The following TRAPPC9 variants were observed in gnomAD, a reference collection of about 807,000 sequenced individuals.
The protein encoded by TRAPPC9 is IKK2 binding protein.
TRAPPC9 carries 83 observed loss-of-function variants against 124.0 expected under a neutral mutation model. That is an observed-to-expected ratio of 0.67 (90% CI 0.56 to 0.80). The LOEUF (loss-of-function observed/expected upper bound fraction) is 0.80, where lower values mean the gene tolerates loss of function less well. Ranked by LOEUF, TRAPPC9 falls within the 30% of genes least tolerant of loss-of-function variation. TRAPPC9 has a pLI of 0.00. For synonymous variants in TRAPPC9, 638 were observed against 617.5 expected, an observed-to-expected ratio of 1.03 and a Z score of -0.49; for missense variants, 1,302 against 1,508.3, an observed-to-expected ratio of 0.86 and a Z score of 2.27.
rs116695359 is a variant in TRAPPC9, at chr8:140,430,234, G to A, written c.860-3593C>T. 3.9e-3 allele frequency among the ~76,000 whole-genome samples: 589 copies of A among 151,994 alleles called. 5 individuals carry two copies. The highest frequency in any genetic ancestry group is 0.014 in the African/African-American group (560 of 41,450). On this transcript the variant is annotated intron_variant, in intron 4 of 22. Coordinates refer to ENST00000438773, the MANE Select transcript of TRAPPC9 (RefSeq NM_001160372.4). ...TTGTATTTCCTTACTAGTCTAAATA[G>A]CAAAGGATATCCTTATTTCTGTGTT...
chr8:140,143,799 AT>A (rs1401909721), intron 17 of TRAPPC9, among the ~76,000 whole-genome samples: 1 of 152,182 alleles, frequency 6.6e-6, no homozygotes, highest in Non-Finnish European at 1.5e-5. Context: ...TCTTCCACTG[AT>A]TTATAATGCC....
At chr8:140,064,788 C>T (rs549874320) in intron 17 of TRAPPC9, among the ~76,000 whole-genome samples, 2 of 152,206 alleles carry the variant, frequency 1.3e-5, no homozygotes, top group East Asian at 1.9e-4. Context: ...GGTTTGGACA[C>T]CAGATTAAAG....
intron 11 of TRAPPC9, among the ~76,000 whole-genome samples, chr8:140,292,528 C>A (rs2065689330): frequency 6.6e-6 from 1 of 152,164 alleles, no homozygotes; most frequent in Non-Finnish European, 1.5e-5. Context: ...TACAGCTTTT[C>A]CCACACACTC....
chr8:140,276,752 G>A (rs956484585), intron 14 of TRAPPC9, among the ~76,000 whole-genome samples: 3 of 152,038 alleles, frequency 2.0e-5, no homozygotes, highest in East Asian at 3.9e-4. Flanking sequence ...ACACACACAC[G>A]GCTCCCTGGA....
intron 17 of TRAPPC9, among the ~76,000 whole-genome samples, chr8:140,105,227 C>A (rs566242858): frequency 6.6e-6 from 1 of 152,264 alleles, no homozygotes; most frequent in South Asian, 2.1e-4. Flanking sequence ...AGGGAAATGG[C>A]GACTGTGCTC....
chr8:140,131,125 C>T (rs1232415365), intron 17 of TRAPPC9, among the ~76,000 whole-genome samples: 1 of 152,080 alleles, frequency 6.6e-6, no homozygotes, highest in Non-Finnish European at 1.5e-5. Flanking sequence ...ATTAACCAAT[C>T]CTCTATTATT....
intron 21 of TRAPPC9, among the ~76,000 whole-genome samples, chr8:139,872,218 C>G (rs1184899691): frequency 8.0e-5 from 5 of 62,528 alleles, no homozygotes; most frequent in Non-Finnish European, 1.6e-4. Flanking sequence ...TTGGATGGAT[C>G]AGTGGGCCAG....
intron 21 of TRAPPC9, among the ~76,000 whole-genome samples, chr8:139,884,180 A>T (rs983506581): frequency 7.2e-5 from 11 of 151,858 alleles, no homozygotes; most frequent in South Asian, 4.2e-4. Context: ...CCCTACCCTT[A>T]GGGCCCACCT....
intron 19 of TRAPPC9, among the ~76,000 whole-genome samples, chr8:139,940,463 T>TG (rs546286125): frequency 6.6e-6 from 1 of 152,110 alleles, no homozygotes; most frequent in Non-Finnish European, 1.5e-5. Flanking sequence ...CATAATGAAA[T>TG]GGGGGGGATT....
rs536421508 is a variant in TRAPPC9 at position 139,870,006 on chromosome 8, A to G, written c.3055+15873T>C. On this transcript the variant is annotated intron_variant, in intron 21 of 22. Transcript: ENST00000438773. ...ATGCAACCCACAGGTAGATATTTAG[A>G]AAGGCAAAAAGGCATTGAGGGAGGA... 1.3e-3 allele frequency among the ~76,000 whole-genome samples: 202 copies of G among 152,336 alleles called. 2 individuals are homozygous for G. Among genetic ancestry groups the G allele is most frequent in the African/African-American group, 4.7e-3 (195 of 41,588 alleles).
intron 17 of TRAPPC9, among the ~76,000 whole-genome samples, chr8:140,190,352 G>A (rs1304100567): frequency 6.6e-6 from 1 of 152,150 alleles, no homozygotes; most frequent in Non-Finnish European, 1.5e-5. Context: ...CAGCTACTCG[G>A]GAGGCTGAGG....
At chr8:140,424,597 G>A (rs1314956027) in intron 5 of TRAPPC9, among the ~76,000 whole-genome samples, 1 of 148,726 alleles carries the variant, frequency 6.7e-6, no homozygotes, top group Non-Finnish European at 1.5e-5. Context: ...CCTGTGAATA[G>A]CCACTGCACT....
At chr8:140,437,256 A>G (rs2070846901) in intron 3 of TRAPPC9, among the ~76,000 whole-genome samples, 1 of 151,978 alleles carries the variant, frequency 6.6e-6, no homozygotes, top group Non-Finnish European at 1.5e-5. Context: ...GTGAAGTAAG[A>G]TTTTTTTATT....
intron 21 of TRAPPC9, among the ~76,000 whole-genome samples, chr8:139,755,951 G>T (rs1275367350): frequency 2.2e-5 from 3 of 133,668 alleles, no homozygotes; most frequent in Non-Finnish European, 1.6e-5. Flanking sequence ...CAGGTCGCAG[G>T]AGGAGCCAGG....
intron 19 of TRAPPC9, among the ~76,000 whole-genome samples, chr8:139,921,335 T>C (rs1832490523): frequency 6.6e-6 from 1 of 152,214 alleles, no homozygotes; most frequent in African/African-American, 2.4e-5. Context: ...AGAGAACAGC[T>C]GTCATCTTGC....
At chr8:139,856,920 C>T (rs898565253) in intron 21 of TRAPPC9, among the ~76,000 whole-genome samples, 5 of 152,132 alleles carry the variant, frequency 3.3e-5, no homozygotes, top group African/African-American at 1.2e-4. Flanking sequence ...GTGAACCTGA[C>T]GCTGCTGAGC....
intron 21 of TRAPPC9, among the ~76,000 whole-genome samples, chr8:139,736,206 G>A (rs1818155928): frequency 1.3e-5 from 2 of 152,190 alleles, no homozygotes; most frequent in African/African-American, 4.8e-5. Context: ...GCTCTGGAAT[G>A]GCAGGCAGCA....
At chr8:139,734,763 T>G (rs1379698572) in intron 21 of TRAPPC9, among the ~76,000 whole-genome samples, 1 of 152,242 alleles carries the variant, frequency 6.6e-6, no homozygotes, top group Non-Finnish European at 1.5e-5. Context: ...AGCTGGGGCA[T>G]GCCAAGCCTC....
chr8:140,446,449 C>T (rs2071262696), intron 2 of TRAPPC9, among the ~76,000 whole-genome samples: 1 of 152,152 alleles, frequency 6.6e-6, no homozygotes, highest in Non-Finnish European at 1.5e-5. Flanking sequence ...TTATACAGGG[C>T]CTTGTGTCTG....
Sources: gnomAD v4.1 joint callset for allele counts (sites outside exome capture counted in the v4.1 genomes callset) on GRCh38, gnomAD v4.1.1 for gene constraint, MANE v1.5 for transcripts, NCBI Gene and HGNC (gene_info 2026-07-23, HGNC 2026-07-21) for gene names.